The following VAMP3 variants were observed in gnomAD, a reference collection of about 807,000 sequenced individuals.
VAMP3 encodes vesicle-associated membrane protein 3.
Under a neutral mutation model 18.1 loss-of-function variants are expected in VAMP3, and 11 were observed. The ratio of observed to expected loss-of-function variants is 0.61; its 90% CI spans 0.38 to 1.00. VAMP3 has a LOEUF of 1.00. VAMP3 is among the 50% of genes least tolerant of loss of function. The pLI is 0.01. For synonymous variants in VAMP3, 49 were observed against 43.1 expected (o/e 1.14, Z -0.53); for missense variants, 122 against 127.3 (o/e 0.96, Z 0.20).
In VAMP3 at chr1:7,778,474, C is replaced by T. The variant is rs1262947131; in HGVS notation, c.283+305C>T. On this transcript the variant is annotated intron_variant, in intron 4 of 4. Transcript: ENST00000054666. ...GCTTGAGCCCAGGAATTCAAGGCTG[C>T]AGTGAGCCATGATCATGCCACTGCC... Among the ~76,000 whole-genome samples the T allele has an allele frequency of 2.0e-5, 3 of 151,758 alleles. No individual in the cohort carries two copies. The East Asian group carries it at 5.8e-4, about 29-fold the overall frequency.
chr1:7,773,504 T>G lies in VAMP3; in HGVS notation c.65T>G (p.Val22Gly). 6.2e-7 allele frequency: 1 copy of G among 1,613,870 alleles called. No homozygotes were observed. ...AGACTTCAGCAGACACAAAATCAAG[T>G]AGATGAGGTATTGCTCTGAAATGTT... ...NRRLQQTQNQVDEVVDIMRVN... is the reference protein window; with the variant it reads ...NRRLQQTQNQGDEVVDIMRVN... Residue 22 changes from valine (V) to glycine (G), a missense_variant, in exon 2 of 5, where the codon GTA (valine) becomes GGA (glycine). By Grantham distance (109) the Val-to-Gly change is moderately radical. Coordinates refer to ENST00000054666, the MANE Select transcript of VAMP3 (RefSeq NM_004781.4).
At chr1:7,771,450 C>A (rs1046850323) in intron 1 of VAMP3, 65 bp downstream of exon 1, 7 of 1,470,512 alleles carry the variant, frequency 4.8e-6, no homozygotes, top group Non-Finnish European at 6.3e-6. Context: ...GCTGGGACCG[C>A]CATACTGCCC....
At chr1:7,774,677 GC>G (rs1423674053) in intron 2 of VAMP3, among the ~76,000 whole-genome samples, 22 of 152,088 alleles carry the variant, frequency 1.4e-4, no homozygotes, top group Non-Finnish European at 2.8e-4. Context: ...TTTTGCATCT[GC>G]CTTCTTTCAC....
At position 7,777,091 on chromosome 1, in the gene VAMP3, G is replaced by A. The variant is rs554094280; in HGVS notation, c.73-69G>A. 152 of 1,529,150 alleles carry A rather than the reference G, an allele frequency of 9.9e-5. 2 individuals carry two copies. In the South Asian group the frequency reaches 1.8e-3, roughly 18 times the overall value. 94.7% of individuals were successfully genotyped at this position (1,529,150 alleles called of 1,614,324 possible). A position where few individuals can be genotyped will look rare whatever the true frequency, so the allele number is the denominator to read the frequency against. ...CTCCCAAAGTGCTAGGATTACAGGC[G>A]TGAGCCACCGCACCTGGCCCTGTTC... On this transcript the variant is annotated intron_variant, in intron 2 of 4. Transcript: ENST00000054666.
intron 2 of VAMP3, among the ~76,000 whole-genome samples, chr1:7,774,101 T>C (rs2097052892): frequency 6.6e-6 from 1 of 152,210 alleles, no homozygotes; most frequent in African/African-American, 2.4e-5. Context: ...AGCAGAAGAT[T>C]GAGAAATTCA....
Position 7,777,273 on chromosome 1 carries a change from G to A in VAMP3, c.186G>A (p.Thr62=), listed in dbSNP as rs114336504. Reference sequence around the variant, plus strand: ...AGGCAGGCGCTTCTCAATTTGAAACGAGCGCAGCCAAGTTGAAGAGGAAAT... The same window carrying A: ...AGGCAGGCGCTTCTCAATTTGAAACAAGCGCAGCCAAGTTGAAGAGGAAAT... ...ALQAGASQFE[T]SAAKLKRKYW... is the part of the protein sequence containing the mutation. The change falls in exon 3 of 5, where the codon ACG becomes ACA. Residue 62 remains threonine (T), a synonymous_variant. Coordinates refer to ENST00000054666, the MANE Select transcript of VAMP3 (RefSeq NM_004781.4). The A allele has an allele frequency of 4.1e-5, 66 of 1,613,680 alleles. No homozygotes were observed. Among genetic ancestry groups the A allele is most frequent in the Non-Finnish European group, 5.3e-5 (62 of 1,179,852 alleles).
rs746698100 is a variant in VAMP3, at chr1:7,778,179, C to T, written c.283+10C>T. On this transcript the variant is annotated intron_variant, in intron 4 of 4. Transcript: ENST00000054666. Reference sequence around the variant, plus strand: ...ATCATCATCATCATCGGTGAGTTACCCTTTTCTAAACTGATTGGAAAAGTC... The same window carrying T: ...ATCATCATCATCATCGGTGAGTTACTCTTTTCTAAACTGATTGGAAAAGTC... The T allele has an allele frequency of 6.2e-7, 1 of 1,613,960 alleles. No homozygotes were observed.
At position 7,777,191 on chromosome 1, in the gene VAMP3, A is replaced by G. The variant is rs761362677; in HGVS notation, c.104A>G (p.Lys35Arg). Residue 35 changes from lysine (K) to arginine (R), a missense_variant, in exon 3 of 5, where the codon AAG becomes AGG. Transcript: ENST00000054666. Reference sequence around the variant, plus strand: ...GACATAATGCGAGTTAACGTGGACAAGGTTCTGGAAAGAGACCAGAAGCTC... The same window carrying G: ...GACATAATGCGAGTTAACGTGGACAGGGTTCTGGAAAGAGACCAGAAGCTC... ...VVDIMRVNVD[K>R]VLERDQKLSE... 1 of 1,613,296 alleles carries G rather than the reference A, an allele frequency of 6.2e-7. No individual in the cohort carries two copies. The highest frequency in any genetic ancestry group is 8.5e-7 in the Non-Finnish European group (1 of 1,179,642).
At chr1:7,777,078 T>A (rs2097054644) in intron 2 of VAMP3, 82 bp from the exon 3 acceptor site, 1 of 1,482,136 alleles carries the variant, frequency 6.7e-7, no homozygotes, top group South Asian at 1.5e-5. Context: ...CCCAAAGTGC[T>A]AGGATTACAG....
At chr1:7,774,137 G>T (rs138646164) in intron 2 of VAMP3, among the ~76,000 whole-genome samples, 41 of 152,314 alleles carry the variant, frequency 2.7e-4, no homozygotes, top group Non-Finnish European at 4.7e-4. Context: ...ATTCCTAAAA[G>T]CCGTCACTGT....
At chr1:7,772,357 C>A (rs144687862) in intron 1 of VAMP3, among the ~76,000 whole-genome samples, 91 of 152,292 alleles carry the variant, frequency 6.0e-4, no homozygotes, top group African/African-American at 2.1e-3. Context: ...AGTGACTGTT[C>A]AAACAGCCCA....
At position 7,778,178 on chromosome 1, in the gene VAMP3, C is replaced by CTAA; in HGVS notation, c.283+9_283+10insTAA. On this transcript the variant is annotated intron_variant, in intron 4 of 4. Transcript: ENST00000054666. ...CATCATCATCATCATCGGTGAGTTACCCTTTTCTAAACTGATTGGAAAAGT... is the reference window on the plus strand; with the variant it reads ...CATCATCATCATCATCGGTGAGTTACTAACCTTTTCTAAACTGATTGGAAAAGT... The CTAA allele has an allele frequency of 6.2e-7, 1 of 1,614,120 alleles. No homozygotes were observed. The highest frequency in any genetic ancestry group is 1.3e-5 in the African/African-American group (1 of 75,050).
intron 1 of VAMP3, 89 bp from the exon 2 acceptor site, chr1:7,773,353 C>T (rs1462670761): frequency 1.9e-5 from 20 of 1,033,490 alleles, no homozygotes; most frequent in African/African-American, 4.8e-5. Flanking sequence ...AGATTGTTAA[C>T]AGTGAGAGTC....
chr1:7,777,626 G>C (rs2097054929), intron 3 of VAMP3, among the ~76,000 whole-genome samples: 1 of 152,162 alleles, frequency 6.6e-6, no homozygotes, highest in Non-Finnish European at 1.5e-5. Context: ...GATAGGAGAG[G>C]GCTGGAATTG....
chr1:7,779,684 C>G lies in VAMP3; in HGVS notation c.*39C>G, dbSNP rs561087372. 2 of 1,613,918 alleles carry G rather than the reference C, an allele frequency of 1.2e-6. No individual in the cohort carries two copies. Among genetic ancestry groups the G allele is most frequent in the South Asian group, 2.2e-5 (2 of 91,046 alleles). On this transcript the variant is annotated 3_prime_UTR_variant, in exon 5 of 5. Transcript: ENST00000054666. Reference sequence around the variant, plus strand: ...CTCAAAACTGCTGTTCAAGAAACCTCTTCAAGACTTTTGACTTAGAACCTG... The same window carrying G: ...CTCAAAACTGCTGTTCAAGAAACCTGTTCAAGACTTTTGACTTAGAACCTG...
At chr1:7,779,487 GAGAAGCC>G in intron 4 of VAMP3, 132 bp from the exon 5 acceptor site, 1 of 1,191,114 alleles carries the variant, frequency 8.4e-7, no homozygotes, top group Non-Finnish European at 1.2e-6. Flanking sequence ...ATAGAATGGA[GAGAAGCC>G]AGTAGTAGGA....
rs752706951 is a variant in VAMP3, at chr1:7,778,151, T to TTCATCA, written c.277_282dup (p.Ile93_Ile94dup). The stretch of plus-strand genomic sequence containing the variant: ...AATCGGGATTACTGTTCTGGTTATC[T>TTCATCA]TCATCATCATCATCATCGGTGAGTT... On this transcript the variant is annotated inframe_insertion, in exon 4 of 5. Coordinates refer to ENST00000054666, the MANE Select transcript of VAMP3 (RefSeq NM_004781.4). 56 of 1,613,680 alleles carry TTCATCA rather than the reference T, an allele frequency of 3.5e-5. No individual in the cohort carries two copies. The highest frequency in any genetic ancestry group is 8.9e-5 in the East Asian group (4 of 44,890).
At position 7,771,339 on chromosome 1, in the gene VAMP3, T is replaced by A; in HGVS notation, c.-45T>A. On this transcript the variant is annotated 5_prime_UTR_variant, in exon 1 of 5. Coordinates refer to ENST00000054666, the MANE Select transcript of VAMP3 (RefSeq NM_004781.4). ...GCCTCCGGTCCCAACTTCGCTTCTC[T>A]GCTGACCCTCTCTCGTCGCCGCTGC... 1 of 1,593,952 alleles carries A rather than the reference T, an allele frequency of 6.3e-7. No individual in the cohort carries two copies. The highest frequency in any genetic ancestry group is 1.1e-5 in the South Asian group (1 of 89,918).
At chr1:7,773,660 G>T (rs2097052578) in intron 2 of VAMP3, 149 bp downstream of exon 2, 2 of 773,132 alleles carry the variant, frequency 2.6e-6, no homozygotes, top group African/African-American at 3.5e-5. Flanking sequence ...TGCTGTGCTG[G>T]AAGATCTAAT....
Sources: allele counts gnomAD v4.1 joint callset (sites outside exome capture counted in the v4.1 genomes callset), GRCh38; gene constraint gnomAD v4.1.1; transcripts MANE v1.5; gene names NCBI Gene and HGNC (gene_info 2026-07-23, HGNC 2026-07-21).